Variants in PMS2 observed in about 807,000 individuals in gnomAD.
PMS2 encodes the protein mismatch repair endonuclease PMS2.
PMS2 carries 69 observed loss-of-function variants against 90.0 expected under a neutral mutation model. That is an observed-to-expected ratio of 0.77 (90% confidence interval 0.63 to 0.94). The LOEUF is 0.94. Among genes scored for constraint, PMS2 ranks in the 40% least tolerant of loss-of-function variants. The probability of loss-of-function intolerance (pLI) is 0.00; values close to 1 mark genes in which losing one functional copy is unlikely to be tolerated. For synonymous variants in PMS2, 332 were observed against 375.1 expected (o/e 0.89, Z 1.33); for missense variants, 966 against 1,040.2 (o/e 0.93, Z 0.98).
chr7:6,006,734 G>A (rs1057303254), intron 1 of PMS2, among the ~76,000 whole-genome samples: 1 of 152,084 alleles, frequency 6.6e-6, no homozygotes. Flanking sequence ...AATCATCTCA[G>A]AAATTGGGTA....
chr7:5,996,123 C>T lies in PMS2; in HGVS notation c.804-490G>A, dbSNP rs569214090. Among the ~76,000 whole-genome samples, 9 of 152,234 alleles carry T rather than the reference C, an allele frequency of 5.9e-5. No homozygotes were observed. The South Asian group carries it at 8.3e-4, about 14-fold the overall frequency. ...CACATGAGACCCACCCCAGGGATACCGGCATTTCCAGAAGAACACCACCTT... is the reference window on the plus strand; with the variant it reads ...CACATGAGACCCACCCCAGGGATACTGGCATTTCCAGAAGAACACCACCTT... On this transcript the variant is annotated intron_variant, in intron 7 of 14. Transcript: ENST00000265849.
At chr7:5,993,640 A>T (rs1583352589) in intron 8 of PMS2, among the ~76,000 whole-genome samples, 1 of 151,404 alleles carries the variant, frequency 6.6e-6, no homozygotes, top group Non-Finnish European at 1.5e-5. Flanking sequence ...AGGCGGGTGG[A>T]TCACGAGGTC....
rs749554813 is a variant in PMS2 at position 5,982,844 on chromosome 7, G to A, written c.2154C>T (p.Leu718=). 1.9e-6 allele frequency: 3 copies of A among 1,607,276 alleles called. No individual in the cohort carries two copies. The highest frequency in any genetic ancestry group is 2.2e-5 in the South Asian group (2 of 90,630). ...NFEMLQQHTV[L]QGQRLIAPQT... is the part of the protein sequence containing the mutation. ...CTCACGCTATGAGCCTCTGCCCCTG[G>A]AGCACGGTGTGCTGCTGCAGCATCT... The change falls in exon 12 of 15, where the codon CTC becomes CTT. Residue 718 remains leucine, a synonymous_variant. Coordinates refer to ENST00000265849, the MANE Select transcript of PMS2 (RefSeq NM_000535.7).
intron 10 of PMS2, among the ~76,000 whole-genome samples, chr7:5,988,406 A>T (rs2128741928): frequency 6.6e-6 from 1 of 152,256 alleles, no homozygotes; most frequent in African/African-American, 2.4e-5. Context: ...TACAAAAAAA[A>T]AATTAGCAGG....
At position 5,985,467 on chromosome 7, in the gene PMS2, T is replaced by C. The variant is rs534871862; in HGVS notation, c.2006+1292A>G. On this transcript the variant is annotated intron_variant, in intron 11 of 14. Coordinates refer to ENST00000265849, the MANE Select transcript of PMS2 (RefSeq NM_000535.7). Reference sequence around the variant, plus strand: ...ACTAGTAAAAGGTGGTTAACTACTATGCTAAGAAATACAGGAATGGAAAAT... The same window carrying C: ...ACTAGTAAAAGGTGGTTAACTACTACGCTAAGAAATACAGGAATGGAAAAT... 2.0e-5 allele frequency among the ~76,000 whole-genome samples: 3 copies of C among 151,802 alleles called. No homozygotes were observed. The South Asian group carries it at 6.2e-4, about 31-fold the overall frequency.
chr7:5,978,616 T>C lies in PMS2; in HGVS notation c.2255A>G (p.Asp752Gly), dbSNP rs1209701201. 6.2e-7 allele frequency: 1 copy of C among 1,602,048 alleles called. No individual in the cohort carries two copies. Among genetic ancestry groups the C allele is most frequent in the African/African-American group, 1.4e-5 (1 of 73,734 alleles). Reference protein sequence around the residue: ...NLEIFRKNGFDFVIDENAPVT... With the variant: ...NLEIFRKNGFGFVIDENAPVT... ...CTTACCATTTTCATCGATAACAAAA[T>C]CAAAGCCATTCTTTCTAAATATTTC... Residue 752 changes from aspartate to glycine, a missense_variant, in exon 13 of 15, where the codon GAT becomes GGT. Asp to Gly is a moderately conservative substitution (Grantham distance 94). Coordinates refer to ENST00000265849, the MANE Select transcript of PMS2 (RefSeq NM_000535.7).
chr7:5,988,160 C>G (rs1783276321), intron 10 of PMS2, among the ~76,000 whole-genome samples: 1 of 150,836 alleles, frequency 6.6e-6, no homozygotes, highest in South Asian at 2.1e-4. Flanking sequence ...AGATCAGGAT[C>G]AAGAGGAATG....
intron 5 of PMS2, among the ~76,000 whole-genome samples, chr7:5,999,528 G>T (rs1784863902): frequency 1.3e-5 from 2 of 152,022 alleles, no homozygotes; most frequent in African/African-American, 2.4e-5. Context: ...AAAAAGTACA[G>T]CCTGTAATCC....
At chr7:5,991,386 C>G (rs1783710809) in intron 9 of PMS2, among the ~76,000 whole-genome samples, 1 of 150,630 alleles carries the variant, frequency 6.6e-6, no homozygotes, top group Non-Finnish European at 1.5e-5. Flanking sequence ...AAAATTTTAA[C>G]AATCAGAAAA....
At position 5,987,327 on chromosome 7, in the gene PMS2, C is replaced by G. The variant is rs146848345; in HGVS notation, c.1438G>C (p.Gly480Arg). ...PQKEAVSSSH[G>R]PSDPTDRAEV... Reference sequence around the variant, plus strand: ...GCTCTGTCCGTAGGGTCACTGGGTCCGTGACTGGAACTCACTGCCTCTTTC... The same window carrying G: ...GCTCTGTCCGTAGGGTCACTGGGTCGGTGACTGGAACTCACTGCCTCTTTC... The change falls in exon 11 of 15, where the codon GGA becomes CGA. Residue 480 changes from glycine (G) to arginine (R), a missense_variant. This residue lies in a region of PMS2 where 871 missense variants were observed against 802.4 expected (regional missense o/e 1.09). Coordinates refer to ENST00000265849, the MANE Select transcript of PMS2 (RefSeq NM_000535.7). 3.8e-5 allele frequency: 62 copies of G among 1,613,956 alleles called. No homozygotes were observed. The highest frequency in any genetic ancestry group is 5.1e-5 in the Non-Finnish European group (60 of 1,179,988).
chr7:5,996,973 G>C (rs1784474561), intron 7 of PMS2, among the ~76,000 whole-genome samples: 1 of 151,986 alleles, frequency 6.6e-6, no homozygotes, highest in South Asian at 2.1e-4. Flanking sequence ...CCAGCACTTT[G>C]GGACACCAAG....
chr7:6,003,837 T>C, intron 3 of PMS2, 45 bp from the exon 4 acceptor site: 2 of 1,361,954 alleles, frequency 1.5e-6, no homozygotes, highest in South Asian at 1.2e-5. Flanking sequence ...TCAAGTGCTA[T>C]AACAACAAAA....
At chr7:5,978,434 C>T (rs1781952058) in intron 13 of PMS2, among the ~76,000 whole-genome samples, 162 bp downstream of exon 13, 1 of 149,574 alleles carries the variant, frequency 6.7e-6, no homozygotes, top group Non-Finnish European at 1.5e-5. Flanking sequence ...CCACGCCCGG[C>T]TACTTTTTGT....
intron 6 of PMS2, among the ~76,000 whole-genome samples, chr7:5,998,470 A>T (rs918202817): frequency 2.0e-5 from 3 of 150,490 alleles, no homozygotes; most frequent in Admixed American, 1.3e-4. Flanking sequence ...AGGCAGGCGG[A>T]TCACTAGAGG....
At chr7:5,989,681 A>G (rs1211379201) in intron 10 of PMS2, 119 bp downstream of exon 10, 2 of 756,990 alleles carry the variant, frequency 2.6e-6, no homozygotes, top group South Asian at 3.4e-5. Flanking sequence ...AAGAATTAAA[A>G]ATGATAAAAT....
At position 6,002,540 on chromosome 7, in the gene PMS2, G is replaced by A. The variant is rs1554303987; in HGVS notation, c.450C>T (p.Pro150=). The part of the protein sequence containing the change: ...NGKIIQKTPY[P]RPRGTTVSVQ... ...CGCTGACTGTGGTCCCTCTGGGGCG[G>A]GGGTAGGGGGTTTTCTGGATAATTT... Residue 150 remains proline (P), a synonymous_variant, in exon 5 of 15, where the codon CCC becomes CCT. Transcript: ENST00000265849. The A allele has an allele frequency of 6.2e-7, 1 of 1,611,664 alleles. No individual in the cohort carries two copies.
chr7:5,996,479 TGGGAGGCAGAGGTTGCA>T (rs1171262595), intron 7 of PMS2, among the ~76,000 whole-genome samples: 21 of 150,532 alleles, frequency 1.4e-4, no homozygotes, highest in African/African-American at 3.4e-4. Flanking sequence ...CGCTTGAACC[TGGGAGGCAGAGGTTGCA>T]GGGAGGCAGA....
intron 7 of PMS2, among the ~76,000 whole-genome samples, chr7:5,997,085 G>A (rs1260090005): frequency 1.3e-5 from 2 of 151,620 alleles, no homozygotes; most frequent in East Asian, 1.9e-4. Flanking sequence ...GTGGTGGCAC[G>A]TGCCTGTAAT....
intron 4 of PMS2, chr7:6,003,452 A>G: frequency 2.0e-6 from 1 of 510,128 alleles, no homozygotes; most frequent in South Asian, 2.7e-5. Flanking sequence ...GTTAAAATTG[A>G]GAATTACTGT....
Sources: allele counts gnomAD v4.1 joint callset (sites outside exome capture counted in the v4.1 genomes callset), GRCh38; gene constraint gnomAD v4.1.1; regional missense constraint gnomAD v4.1.1; transcripts MANE v1.5; gene names NCBI Gene and HGNC (gene_info 2026-07-23, HGNC 2026-07-21).